PI4KA: variants seen among roughly 807,000 people sequenced by gnomAD.
PI4KA encodes the protein PI4-kinase alpha.
Under a neutral mutation model 271.4 loss-of-function variants are expected in PI4KA, and 122 were observed. That is an observed-to-expected ratio of 0.45 (90% CI 0.39 to 0.52). PI4KA has a LOEUF of 0.52. Ranked by LOEUF, PI4KA falls within the 20% of genes least tolerant of loss-of-function variation. PI4KA has a pLI of 0.00. For synonymous variants in PI4KA, 1,041 were observed against 1,078.8 expected, an observed-to-expected ratio of 0.96 and a Z score of 0.69; for missense variants, 1,969 against 2,769.1, an observed-to-expected ratio of 0.71 and a Z score of 6.48.
At chr22:20,781,914 C>G (rs771812319) in intron 19 of PI4KA, among the ~76,000 whole-genome samples, 1 of 152,032 alleles carries the variant, frequency 6.6e-6, no homozygotes. Context: ...CTGACAGGGC[C>G]GAGGGAAGAA....
At chr22:20,850,916 G>T (rs757063160) in intron 1 of PI4KA, among the ~76,000 whole-genome samples, 4 of 151,946 alleles carry the variant, frequency 2.6e-5, no homozygotes, top group Non-Finnish European at 5.9e-5. Flanking sequence ...TACAATGTGC[G>T]TGCCTGTAGT....
At chr22:20,782,710 G>A (rs996567878) in intron 19 of PI4KA, among the ~76,000 whole-genome samples, 7 of 152,162 alleles carry the variant, frequency 4.6e-5, no homozygotes, top group African/African-American at 1.4e-4. Flanking sequence ...GGGGGTTGGA[G>A]TAAGCATTAC....
intron 8 of PI4KA, among the ~76,000 whole-genome samples, chr22:20,811,679 T>C (rs1921037745): frequency 6.7e-6 from 1 of 148,266 alleles, no homozygotes; most frequent in Non-Finnish European, 1.5e-5. Flanking sequence ...AATGTATAGA[T>C]AATGATAAAC....
At chr22:20,835,798 C>T (rs1924789480) in intron 2 of PI4KA, among the ~76,000 whole-genome samples, 1 of 152,028 alleles carries the variant, frequency 6.6e-6, no homozygotes, top group Non-Finnish European at 1.5e-5. Flanking sequence ...CCTGTAATCC[C>T]AGCACTTTGG....
chr22:20,762,230 C>T (rs1932041397), intron 22 of PI4KA, among the ~76,000 whole-genome samples: 1 of 152,186 alleles, frequency 6.6e-6, no homozygotes, highest in Non-Finnish European at 1.5e-5. Context: ...GTCTTTTGGC[C>T]TCTGCACCAA....
Position 20,751,702 on chromosome 22 carries a change from AG to A in PI4KA, c.3040del (p.Leu1014CysfsTer8). The A allele has an allele frequency of 1.2e-6, 2 of 1,614,132 alleles. No homozygotes were observed. Among genetic ancestry groups the A allele is most frequent in the Non-Finnish European group, 1.7e-6 (2 of 1,179,966 alleles). The part of the protein sequence containing the change: ...GTVLKTMLDI[L>X]QTLSLSLSAD... ...GCTCAGTGACAGTGACAGGGTCTGC[AG>A]GATGTCCAGCATGGTCTTCAGCACA... On this transcript the variant is annotated frameshift_variant, in exon 26 of 55. Coordinates refer to ENST00000255882, the MANE Select transcript of PI4KA (RefSeq NM_058004.4). LOFTEE classifies it high-confidence loss of function.
At chr22:20,768,407 T>C (rs1326748107) in intron 19 of PI4KA, among the ~76,000 whole-genome samples, 1 of 152,056 alleles carries the variant, frequency 6.6e-6, no homozygotes, top group African/African-American at 2.4e-5. Context: ...TGGTGACACA[T>C]GTAGAACTCA....
At chr22:20,794,959 T>C (rs1044302355) in intron 18 of PI4KA, among the ~76,000 whole-genome samples, 12 of 152,122 alleles carry the variant, frequency 7.9e-5, no homozygotes, top group African/African-American at 2.9e-4. Context: ...ATATTTACAC[T>C]CTGGCCCTTT....
rs200662885 is a variant in PI4KA at position 20,751,789 on chromosome 22, C to T, written c.2988-34G>A. The T allele has an allele frequency of 3.4e-5, 54 of 1,589,282 alleles. No homozygotes were observed. In the African/African-American group the frequency reaches 5.4e-4, roughly 16 times the overall value. ...AGAGCCAGCTCTCAGGACCAAGAGCCAAACCTCCAAGGAAGGTCTGCTTCT... is the reference window on the plus strand; with the variant it reads ...AGAGCCAGCTCTCAGGACCAAGAGCTAAACCTCCAAGGAAGGTCTGCTTCT... On this transcript the variant is annotated intron_variant, in intron 25 of 54. Transcript: ENST00000255882.
chr22:20,772,611 A>G (rs1036548124), intron 19 of PI4KA, among the ~76,000 whole-genome samples: 6 of 152,108 alleles, frequency 3.9e-5, no homozygotes, highest in African/African-American at 1.4e-4. Flanking sequence ...AGACACCCCC[A>G]TGGGCCCCTT....
rs762569094 is a variant in PI4KA at position 20,727,840 on chromosome 22, C to T, written c.4707G>A (p.Gly1569=). ...ACCGAACGAGACGGGTCACTTCGTTCCCAATGGCTTCTGTGTTCTTAAACC... is the reference window on the plus strand; with the variant it reads ...ACCGAACGAGACGGGTCACTTCGTTTCCAATGGCTTCTGTGTTCTTAAACC... ...PARFKNTEAI[G]NEVTRLVRLD... The change falls in exon 40 of 55, where the codon GGG becomes GGA. Residue 1569 remains glycine (G), a synonymous_variant. Coordinates refer to ENST00000255882, the MANE Select transcript of PI4KA (RefSeq NM_058004.4). 5.0e-6 allele frequency: 8 copies of T among 1,614,052 alleles called. 1 individual carries two copies. The South Asian group carries it at 7.7e-5, about 16-fold the overall frequency.
intron 9 of PI4KA, 77 bp downstream of exon 9, chr22:20,810,890 G>T: frequency 9.1e-7 from 1 of 1,102,554 alleles, no homozygotes; most frequent in African/African-American, 1.5e-5. Context: ...TCCAGCCCCC[G>T]CTCAAACTCT....
intron 20 of PI4KA, 147 bp downstream of exon 20, chr22:20,765,438 C>T: frequency 1.3e-6 from 1 of 745,586 alleles, no homozygotes. Flanking sequence ...CATCTGGGGA[C>T]AGTAACACTT....
chr22:20,739,037 CA>C (rs1214493282), intron 32 of PI4KA, among the ~76,000 whole-genome samples: 15,783 of 45,592 alleles, frequency 0.35, 1,772 homozygotes, highest in Non-Finnish European at 0.44. Flanking sequence ...GACTCAGTCA[CA>C]AAAAAAAAAA....
intron 11 of PI4KA, 96 bp downstream of exon 11, chr22:20,804,878 G>T: frequency 9.9e-7 from 1 of 1,007,122 alleles, no homozygotes. Flanking sequence ...TGGTAACAGA[G>T]CCAAGTGTTC....
chr22:20,779,194 G>C, intron 19 of PI4KA: 3 of 1,589,736 alleles, frequency 1.9e-6, no homozygotes, highest in African/African-American at 2.7e-5. Flanking sequence ...TGCTGTGAGG[G>C]CCTCTTCCTG....
intron 28 of PI4KA, among the ~76,000 whole-genome samples, chr22:20,748,429 G>A (rs1421579923): frequency 1.3e-5 from 2 of 152,220 alleles, no homozygotes; most frequent in East Asian, 1.9e-4. Flanking sequence ...GAACTGGACA[G>A]CAGGAACGAA....
chr22:20,744,195 G>C (rs566198302), intron 30 of PI4KA, among the ~76,000 whole-genome samples: 2 of 152,302 alleles, frequency 1.3e-5, no homozygotes, highest in South Asian at 2.1e-4. Flanking sequence ...GAAAGCCCAC[G>C]ATGTGGAGTT....
chr22:20,856,656 A>C (rs920011129), intron 1 of PI4KA, among the ~76,000 whole-genome samples: 2 of 151,530 alleles, frequency 1.3e-5, no homozygotes, highest in Non-Finnish European at 1.5e-5. Context: ...CTGGTCTCAA[A>C]CTCCGACCTC....
Sources: allele counts gnomAD v4.1 joint callset (sites outside exome capture counted in the v4.1 genomes callset), GRCh38; gene constraint gnomAD v4.1.1; transcripts MANE v1.5; gene names NCBI Gene and HGNC (gene_info 2026-07-23, HGNC 2026-07-21).